The following STK32B variants were observed in gnomAD, a reference collection of about 807,000 sequenced individuals.
STK32B encodes serine/threonine-protein kinase 32B.
STK32B carries 43 observed loss-of-function variants against 52.6 expected under a neutral mutation model. That is an observed-to-expected ratio of 0.82 (90% CI 0.64 to 1.05). STK32B has a LOEUF of 1.05. STK32B is among the 50% of genes least tolerant of loss of function. The pLI is 0.00. For synonymous variants in STK32B, 238 were observed against 204.3 expected (o/e 1.17, Z -1.41); for missense variants, 621 against 534.6 (o/e 1.16, Z -1.59).
chr4:5,500,512 C>T lies in STK32B; in HGVS notation c.*1429C>T, dbSNP rs909400277. 3.0e-4 allele frequency: 46 copies of T among 152,310 alleles called. No homozygotes were observed. Among genetic ancestry groups the T allele is most frequent in the African/African-American group, 1.1e-3 (44 of 41,582 alleles). The allele number at this position is 152,310 out of a possible 1,614,324, so 9.4% of individuals were successfully genotyped here. On this transcript the variant is annotated 3_prime_UTR_variant, in exon 12 of 12. Coordinates refer to ENST00000282908, the MANE Select transcript of STK32B (RefSeq NM_018401.3). ...TGGGGTCTTTGATATTTGTTTGTTA[C>T]ATCCTGCTGAAGTTCGACTGTGTTT...
At chr4:5,091,034 CA>C (rs1713053077) in intron 1 of STK32B, among the ~76,000 whole-genome samples, 1 of 152,068 alleles carries the variant, frequency 6.6e-6, no homozygotes, top group South Asian at 2.1e-4. Context: ...GTAAATTCTA[CA>C]AACATTTAAA....
At chr4:5,363,296 A>G (rs563979984) in intron 4 of STK32B, among the ~76,000 whole-genome samples, 61 of 152,350 alleles carry the variant, frequency 4.0e-4, no homozygotes, top group African/African-American at 1.4e-3. Flanking sequence ...TTATGCACCT[A>G]TTATTTCGCT....
rs375323284 is a variant in STK32B, at chr4:5,172,345, G to A, written c.260+3895G>A. ...CCCTGGCCAGAACCTCCAACACTAT[G>A]TTGAATAGGAGTGGTGAGAGAGGGC... On this transcript the variant is annotated intron_variant, in intron 3 of 11. Coordinates refer to ENST00000282908, the MANE Select transcript of STK32B (RefSeq NM_018401.3). Among the ~76,000 whole-genome samples the A allele has an allele frequency of 2.2e-3, 330 of 152,258 alleles. 6 individuals are homozygous for A. The East Asian group carries it at 0.053, about 24-fold the overall frequency.
chr4:5,109,789 T>G (rs532641772), intron 1 of STK32B, among the ~76,000 whole-genome samples: 116 of 152,188 alleles, frequency 7.6e-4, no homozygotes, highest in African/African-American at 2.6e-3. Flanking sequence ...GAGAGAGAGA[T>G]AAAAGGTATC....
chr4:5,424,414 T>C (rs970517521), intron 6 of STK32B, among the ~76,000 whole-genome samples: 2 of 152,148 alleles, frequency 1.3e-5, no homozygotes, highest in East Asian at 3.9e-4. Context: ...TGAGAACTTG[T>C]GATGCTTTTT....
chr4:5,168,422 C>T lies in STK32B; in HGVS notation c.232C>T (p.Leu78=). ...CCGGGAGCTGCAGATCATGCAAGGG[C>T]TGGAGCACCCCTTCCTGGTCAATCT... ...VFRELQIMQG[L]EHPFLVNLWY... Residue 78 remains leucine (L), a synonymous_variant, in exon 3 of 12, where the codon CTG becomes TTG. Transcript: ENST00000282908. 6.2e-7 allele frequency: 1 copy of T among 1,613,686 alleles called. No individual in the cohort carries two copies. The highest frequency in any genetic ancestry group is 1.3e-5 in the African/African-American group (1 of 75,002).
At chr4:5,103,960 TA>T (rs1713962866) in intron 1 of STK32B, among the ~76,000 whole-genome samples, 1 of 152,194 alleles carries the variant, frequency 6.6e-6, no homozygotes. Context: ...TTTTTTCTAA[TA>T]GGTTGAATTG....
intron 5 of STK32B, among the ~76,000 whole-genome samples, chr4:5,415,901 T>C (rs1712125184): frequency 6.6e-6 from 1 of 152,206 alleles, no homozygotes; most frequent in African/African-American, 2.4e-5. Flanking sequence ...CATCTCTTGG[T>C]GATGCCTTCC....
At chr4:5,148,524 C>T (rs1281804540) in intron 2 of STK32B, among the ~76,000 whole-genome samples, 1 of 151,662 alleles carries the variant, frequency 6.6e-6, no homozygotes, top group Non-Finnish European at 1.5e-5. Context: ...TGTTTAACTT[C>T]CAAATATTTG....
intron 1 of STK32B, among the ~76,000 whole-genome samples, chr4:5,089,836 C>T (rs1015220926): frequency 7.9e-5 from 12 of 152,252 alleles, no homozygotes; most frequent in African/African-American, 1.4e-4. Context: ...TAAAAGCGTT[C>T]GTATTTCTCC....
chr4:5,435,631 T>C (rs1713997757), intron 6 of STK32B: 2 of 152,234 alleles, frequency 1.3e-5, no homozygotes, highest in South Asian at 4.1e-4. Flanking sequence ...TAGAAGTGTT[T>C]GCTATTTTTA....
chr4:5,310,127 C>T (rs549478999), intron 3 of STK32B, among the ~76,000 whole-genome samples: 75 of 152,220 alleles, frequency 4.9e-4, no homozygotes, highest in African/African-American at 1.7e-3. Flanking sequence ...GATCACGCCA[C>T]TGCACTCCAG....
At chr4:5,435,306 T>C (rs1713959317) in intron 6 of STK32B, among the ~76,000 whole-genome samples, 1 of 152,206 alleles carries the variant, frequency 6.6e-6, no homozygotes, top group East Asian at 1.9e-4. Context: ...TTTCTGGGCA[T>C]AACCACAGCC....
chr4:5,070,343 T>A (rs1299759537), intron 1 of STK32B, among the ~76,000 whole-genome samples: 1 of 151,950 alleles, frequency 6.6e-6, no homozygotes, highest in African/African-American at 2.4e-5. Context: ...TGTCCTGGAG[T>A]GTTGTTTTTG....
chr4:5,367,607 T>G (rs982702944), intron 4 of STK32B, among the ~76,000 whole-genome samples: 1 of 152,268 alleles, frequency 6.6e-6, no homozygotes, highest in Middle Eastern at 3.4e-3. Flanking sequence ...ATCAACCCAG[T>G]CAAGCCACCC....
At chr4:5,178,187 C>T (rs1285197793) in intron 3 of STK32B, among the ~76,000 whole-genome samples, 1 of 152,228 alleles carries the variant, frequency 6.6e-6, no homozygotes, top group Non-Finnish European at 1.5e-5. Flanking sequence ...GAAATCTAGG[C>T]AGAGGTTCAC....
At chr4:5,139,772 T>C (rs1716291322) in intron 1 of STK32B, 133 bp from the exon 2 acceptor site, 3 of 916,518 alleles carry the variant, frequency 3.3e-6, no homozygotes, top group Admixed American at 2.0e-5. Flanking sequence ...GGTGGACGGC[T>C]GCTCTGGCAA....
At chr4:5,157,571 G>C (rs530846151) in intron 2 of STK32B, among the ~76,000 whole-genome samples, 1 of 152,266 alleles carries the variant, frequency 6.6e-6, no homozygotes, top group African/African-American at 2.4e-5. Context: ...CTGGGGAAAA[G>C]GTCATCACAG....
intron 3 of STK32B, among the ~76,000 whole-genome samples, chr4:5,296,484 T>A (rs1387967107): frequency 6.6e-6 from 1 of 152,226 alleles, no homozygotes; most frequent in Non-Finnish European, 1.5e-5. Context: ...AGTTAGCTCT[T>A]CTTGTTGCAT....
Sources: allele counts gnomAD v4.1 joint callset (sites outside exome capture counted in the v4.1 genomes callset), GRCh38; gene constraint gnomAD v4.1.1; transcripts MANE v1.5; gene names NCBI Gene and HGNC (gene_info 2026-07-23, HGNC 2026-07-21).